PTPRT: variants seen among roughly 807,000 people sequenced by gnomAD.
The protein encoded by PTPRT is receptor-type tyrosine-protein phosphatase T.
In PTPRT, 56 loss-of-function variants were observed where a neutral mutation model predicts 176.8. That is an observed-to-expected ratio of 0.32 (90% CI 0.26 to 0.40). The LOEUF (loss-of-function observed/expected upper bound fraction) is 0.40. Among genes scored for constraint, PTPRT ranks in the 10% least tolerant of loss-of-function variants. The pLI is 1.00. For missense variants in PTPRT, 1,540 were observed against 1,908.2 expected, an observed-to-expected ratio of 0.81 and a Z score of 3.60; for synonymous variants, 783 against 739.0, an observed-to-expected ratio of 1.06 and a Z score of -0.96.
intron 6 of PTPRT, among the ~76,000 whole-genome samples, chr20:42,689,636 A>C (rs555969316): frequency 6.2e-4 from 95 of 152,230 alleles, no homozygotes; most frequent in Middle Eastern, 3.4e-3. Flanking sequence ...AGACTCCAAA[A>C]CTTGTATAGA....
chr20:42,175,420 G>T (rs180995105), intron 16 of PTPRT, among the ~76,000 whole-genome samples: 2 of 152,000 alleles, frequency 1.3e-5, no homozygotes, highest in South Asian at 2.1e-4. Flanking sequence ...CCAAGGCCAC[G>T]TGGACTCCTA....
At chr20:42,183,487 T>G (rs1259484339) in intron 16 of PTPRT, among the ~76,000 whole-genome samples, 3 of 152,208 alleles carry the variant, frequency 2.0e-5, no homozygotes, top group Non-Finnish European at 2.9e-5. Context: ...AAGCTATAGA[T>G]TTGTAAAATG....
At chr20:42,495,957 C>T (rs1314947316) in intron 7 of PTPRT, among the ~76,000 whole-genome samples, 1 of 152,088 alleles carries the variant, frequency 6.6e-6, no homozygotes. Context: ...CTACTCTTGA[C>T]CGAAAGCCTT....
intron 7 of PTPRT, among the ~76,000 whole-genome samples, chr20:42,624,696 A>G (rs1470898117): frequency 6.6e-6 from 1 of 152,306 alleles, no homozygotes; most frequent in East Asian, 1.9e-4. Flanking sequence ...AGGGGCCAGG[A>G]GTGGTGGGAA....
At chr20:43,184,452 G>A (rs1358523050) in intron 1 of PTPRT, among the ~76,000 whole-genome samples, 1 of 152,196 alleles carries the variant, frequency 6.6e-6, no homozygotes, top group Non-Finnish European at 1.5e-5. Flanking sequence ...ACTTTGGGAG[G>A]TCGAGGCGGG....
chr20:42,312,802 C>CTTTTTTT (rs11482597), intron 12 of PTPRT, among the ~76,000 whole-genome samples: 1 of 112,372 alleles, frequency 8.9e-6, no homozygotes, highest in Non-Finnish European at 1.8e-5. Flanking sequence ...GAGTGAGATC[C>CTTTTTTT]TTTTTTTTTT....
chr20:42,152,993 G>A (rs1989202280), intron 17 of PTPRT, among the ~76,000 whole-genome samples: 1 of 152,088 alleles, frequency 6.6e-6, no homozygotes, highest in Non-Finnish European at 1.5e-5. Context: ...CTTTGCACAT[G>A]TAGTTCCCTC....
At chr20:42,061,931 G>A in the PTPRT span, among the ~76,000 whole-genome samples, 1 of 152,162 alleles carries the variant, frequency 6.6e-6, no homozygotes, top group Non-Finnish European at 1.5e-5. Flanking sequence ...ATCAGTTTCT[G>A]ATGCATGTTA....
At chr20:42,356,589 G>A (rs141297482) in intron 9 of PTPRT, among the ~76,000 whole-genome samples, 355 of 152,160 alleles carry the variant, frequency 2.3e-3, no homozygotes, top group Non-Finnish European at 3.0e-3. Context: ...CCAGCTACTC[G>A]GGAGGCTGAG....
At chr20:43,034,740 T>A (rs772309360) in intron 1 of PTPRT, among the ~76,000 whole-genome samples, 2 of 151,808 alleles carry the variant, frequency 1.3e-5, no homozygotes, top group Non-Finnish European at 2.9e-5. Flanking sequence ...CACAGTAGAA[T>A]GAAAAAGTCC....
At chr20:43,090,307 G>A (rs564785022) in intron 1 of PTPRT, among the ~76,000 whole-genome samples, 145 of 148,754 alleles carry the variant, frequency 9.7e-4, no homozygotes, top group African/African-American at 3.4e-3. Flanking sequence ...TTGTTCTGTC[G>A]CCCAGGCTGG....
intron 9 of PTPRT, among the ~76,000 whole-genome samples, chr20:42,423,279 C>T (rs2059136985): frequency 6.6e-6 from 1 of 151,978 alleles, no homozygotes; most frequent in African/African-American, 2.4e-5. Flanking sequence ...TCCCTTTCCA[C>T]CATGTGGCAA....
Position 43,184,426 on chromosome 20 carries a change from C to T in PTPRT, c.88+5220G>A, listed in dbSNP as rs1452244779. Among the ~76,000 whole-genome samples, 3 of 152,270 alleles carry T rather than the reference C, an allele frequency of 2.0e-5. No homozygotes were observed. The East Asian group carries it at 5.8e-4, about 29-fold the overall frequency. On this transcript the variant is annotated intron_variant, in intron 1 of 30. Coordinates refer to ENST00000373187, the MANE Select transcript of PTPRT (RefSeq NM_007050.6). ...CTAATGGGCCGGGTGCGGTGGCTCA[C>T]ACCTGGAATCCCAGCACTTTGGGAG...
chr20:42,676,530 T>C (rs963726171), intron 7 of PTPRT, among the ~76,000 whole-genome samples: 16 of 139,036 alleles, frequency 1.2e-4, no homozygotes, highest in African/African-American at 4.7e-4. Context: ...CCCAGCTGTA[T>C]ATACAATGCT....
intron 7 of PTPRT, among the ~76,000 whole-genome samples, chr20:42,635,745 A>G (rs529847726): frequency 6.6e-6 from 1 of 152,132 alleles, no homozygotes; most frequent in South Asian, 2.1e-4. Flanking sequence ...TTTTTGTTTT[A>G]AGACCAAGTA....
chr20:42,675,015 C>G (rs1435677317), intron 7 of PTPRT, among the ~76,000 whole-genome samples: 6 of 152,198 alleles, frequency 3.9e-5, no homozygotes, highest in African/African-American at 1.2e-4. Flanking sequence ...AACCTGCACC[C>G]AGCAGAACTG....
At chr20:43,081,176 C>T (rs1476531830) in intron 1 of PTPRT, among the ~76,000 whole-genome samples, 1 of 152,126 alleles carries the variant, frequency 6.6e-6, no homozygotes, top group African/African-American at 2.4e-5. Flanking sequence ...CAGCTTTCTC[C>T]TTTTTATAAA....
intron 1 of PTPRT, among the ~76,000 whole-genome samples, chr20:42,898,019 A>G (rs971026665): frequency 2.0e-5 from 3 of 152,218 alleles, no homozygotes; most frequent in African/African-American, 7.2e-5. Flanking sequence ...AAGAAACTGT[A>G]TCTGAGTCTG....
At chr20:42,398,342 C>T (rs2058871684) in intron 9 of PTPRT, among the ~76,000 whole-genome samples, 1 of 151,980 alleles carries the variant, frequency 6.6e-6, no homozygotes, top group South Asian at 2.1e-4. Flanking sequence ...AATGTATTAA[C>T]AAAATAATCA....
Sources: allele counts gnomAD v4.1 joint callset (sites outside exome capture counted in the v4.1 genomes callset), GRCh38; gene constraint gnomAD v4.1.1; transcripts MANE v1.5; gene names NCBI Gene and HGNC (gene_info 2026-07-23, HGNC 2026-07-21).